SART1: variants seen among roughly 807,000 people sequenced by gnomAD.
SART1 encodes the protein U4/U6.U5 tri-snRNP-associated protein 1.
Under a neutral mutation model 105.0 loss-of-function variants are expected in SART1, and 28 were observed. That is an observed-to-expected ratio of 0.27 (90% CI 0.20 to 0.37). The LOEUF is 0.37. Among genes scored for constraint, SART1 ranks in the 10% least tolerant of loss-of-function variants. SART1 has a pLI of 1.00. For synonymous variants in SART1, 472 were observed against 462.9 expected (o/e 1.02, Z -0.25); for missense variants, 894 against 1,106.5 (o/e 0.81, Z 2.72).
In SART1 at chr11:65,961,874, C is replaced by T; in HGVS notation, c.94C>T (p.His32Tyr). 6.4e-7 allele frequency: 1 copy of T among 1,569,558 alleles called. No individual in the cohort carries two copies. Among genetic ancestry groups the T allele is most frequent in the Non-Finnish European group, 8.6e-7 (1 of 1,158,112 alleles). ...TGGATEQPPR[H>Y]REHKKHKHRS... is the part of the protein sequence containing the mutation. ...GGGTGCCACCGAGCAGCCGCCGCGG[C>T]ACCGGGAACACAAAAAACACAAGCA... Residue 32 changes from histidine (H) to tyrosine (Y), a missense_variant, in exon 1 of 20, where the codon CAC becomes TAC. By Grantham distance (83) the His-to-Tyr change is moderately conservative. Around this residue, in one of 2 missense-constraint regions of SART1, gnomAD observed 712 missense variants for 778.2 expected, o/e 0.91. Coordinates refer to ENST00000312397, the MANE Select transcript of SART1 (RefSeq NM_005146.5).
chr11:65,969,269 C>G (rs531620339), intron 12 of SART1, among the ~76,000 whole-genome samples: 1 of 152,160 alleles, frequency 6.6e-6, no homozygotes, highest in Non-Finnish European at 1.5e-5. Context: ...GTGGGCGTGG[C>G]TGGGTTCCAG....
At chr11:65,963,872 A>G (rs1230989849) in intron 1 of SART1, 15 of 607,690 alleles carry the variant, frequency 2.5e-5, no homozygotes, top group Non-Finnish European at 3.5e-5. Flanking sequence ...AGGAAGGTGC[A>G]CAGAAGAGGC....
At chr11:65,969,709 C>T (rs1855334204) in intron 12 of SART1, among the ~76,000 whole-genome samples, 1 of 152,178 alleles carries the variant, frequency 6.6e-6, no homozygotes, top group African/African-American at 2.4e-5. Flanking sequence ...GCCACCAGGC[C>T]TGGTGTAGCC....
intron 1 of SART1, among the ~76,000 whole-genome samples, chr11:65,963,194 A>G (rs1855180768): frequency 6.6e-6 from 1 of 152,170 alleles, no homozygotes; most frequent in South Asian, 2.1e-4. Context: ...ATGTTACCAA[A>G]AAAAGGAGAC....
intron 9 of SART1, among the ~76,000 whole-genome samples, 187 bp downstream of exon 9, chr11:65,966,743 G>A (rs1855267727): frequency 6.6e-6 from 1 of 152,230 alleles, no homozygotes; most frequent in South Asian, 2.1e-4. Context: ...TGCTGAGCCA[G>A]ATGGGCCCCA....
At chr11:65,970,798 G>A (rs76705937) in intron 12 of SART1, among the ~76,000 whole-genome samples, 19 of 108,172 alleles carry the variant, frequency 1.8e-4, no homozygotes, top group Admixed American at 2.9e-4. Context: ...TGCTGAGGGA[G>A]GGGGATGGTG....
In SART1 at chr11:65,979,590, A is replaced by C; in HGVS notation, c.*560A>C. On this transcript the variant is annotated 3_prime_UTR_variant, in exon 20 of 20. Transcript: ENST00000312397. ...GCCTCCTGGGAGACTTGTCCCGTGT[A>C]CAGTGACCCAGAAAGATGAGATTCC... 1 of 155,250 alleles carries C rather than the reference A, an allele frequency of 6.4e-6. No individual in the cohort carries two copies. The highest frequency in any genetic ancestry group is 1.4e-5 in the Non-Finnish European group (1 of 70,134). 9.6% of individuals were successfully genotyped at this position (155,250 alleles called of 1,614,324 possible). A position where few individuals can be genotyped will look rare whatever the true frequency, so the allele number is the denominator to read the frequency against.
At chr11:65,977,965 A>AAT (rs1222422074) in intron 17 of SART1, 66 bp downstream of exon 17, 1 of 1,537,922 alleles carries the variant, frequency 6.5e-7, no homozygotes, top group Non-Finnish European at 8.8e-7. Context: ...AGGGCCATGC[A>AAT]ATGCCCCGGG....
In SART1 at chr11:65,966,168, C is replaced by G. The variant is rs747555166; in HGVS notation, c.931C>G (p.Pro311Ala). 2 of 1,614,036 alleles carry G rather than the reference C, an allele frequency of 1.2e-6. No individual in the cohort carries two copies. The highest frequency in any genetic ancestry group is 2.2e-5 in the East Asian group (1 of 44,884). ...AAATGTGGAGCTGCGGAAGAAGAAG[C>G]CTGACTACCTGCCCTATGCCGAGGA... ...EKNVELRKKK[P>A]DYLPYAEDES... is the part of the protein sequence containing the mutation. Residue 311 changes from proline to alanine, a missense_variant, in exon 8 of 20, where the codon CCT becomes GCT. Around this residue, in one of 2 missense-constraint regions of SART1, gnomAD observed 712 missense variants for 778.2 expected, o/e 0.91. Coordinates refer to ENST00000312397, the MANE Select transcript of SART1 (RefSeq NM_005146.5).
chr11:65,976,025 A>G lies in SART1; in HGVS notation c.1573-370A>G, dbSNP rs1239341192. 6.6e-6 allele frequency among the ~76,000 whole-genome samples: 1 copy of G among 152,086 alleles called. No individual in the cohort carries two copies. The highest frequency in any genetic ancestry group is 1.5e-5 in the Non-Finnish European group (1 of 68,006). On this transcript the variant is annotated intron_variant, in intron 12 of 19. Coordinates refer to ENST00000312397, the MANE Select transcript of SART1 (RefSeq NM_005146.5). The surrounding 1 kb of genome is among the most constrained non-coding windows in gnomAD (Gnocchi z 5.1). ...CCTGCGGGTTCTAGAAGTGCTGTCT[A>G]GAGTCCTGAAACCGGAGTTTGTCGG...
Position 65,976,256 on chromosome 11 carries a change from C to T in SART1, c.1573-139C>T, listed in dbSNP as rs557291420. The T allele has an allele frequency of 5.3e-5, 41 of 776,222 alleles. No individual in the cohort carries two copies. Among genetic ancestry groups the T allele is most frequent in the Admixed American group, 3.3e-4 (10 of 30,608 alleles). The allele number at this position is 776,222 out of a possible 1,614,324, so 48.1% of individuals were successfully genotyped here. ...GAAAGAGGTGCAGAGTGGAGTTAGG[C>T]GGCAGATAGCAGCTGGGCCTGCATG... On this transcript the variant is annotated intron_variant, in intron 12 of 19. Coordinates refer to ENST00000312397, the MANE Select transcript of SART1 (RefSeq NM_005146.5). The surrounding 1 kb of genome is among the most constrained non-coding windows in gnomAD (Gnocchi z 5.1).
At chr11:65,974,625 G>T (rs1332110087) in intron 12 of SART1, among the ~76,000 whole-genome samples, 1 of 152,122 alleles carries the variant, frequency 6.6e-6, no homozygotes, top group African/African-American at 2.4e-5. Context: ...GTTGCAGTGA[G>T]CCTATATCGC....
intron 1 of SART1, among the ~76,000 whole-genome samples, chr11:65,963,155 G>A (rs1855179694): frequency 6.6e-6 from 1 of 152,108 alleles, no homozygotes; most frequent in Non-Finnish European, 1.5e-5. Context: ...CCTGAGAAAT[G>A]CCCTTATGTT....
At chr11:65,969,567 A>G (rs184545172) in intron 12 of SART1, among the ~76,000 whole-genome samples, 17 of 152,146 alleles carry the variant, frequency 1.1e-4, no homozygotes, top group African/African-American at 3.9e-4. Context: ...CTCCTGCCTC[A>G]GGCTCTCAAG....
intron 1 of SART1, among the ~76,000 whole-genome samples, chr11:65,962,540 GA>G (rs1264677606): frequency 6.6e-6 from 1 of 151,802 alleles, no homozygotes; most frequent in Admixed American, 6.6e-5. Context: ...GCATGGTAGA[GA>G]AATGAGGGAG....
At position 65,976,004 on chromosome 11, in the gene SART1, C is replaced by T. The variant is rs1441843418; in HGVS notation, c.1573-391C>T. 1.3e-5 allele frequency among the ~76,000 whole-genome samples: 2 copies of T among 151,990 alleles called. No individual in the cohort carries two copies. The highest frequency in any genetic ancestry group is 2.4e-5 in the African/African-American group (1 of 41,342). On this transcript the variant is annotated intron_variant, in intron 12 of 19. Transcript: ENST00000312397. This position sits in a 1 kb window ranked among gnomAD's most constrained non-coding sequence, Gnocchi z 5.1. The stretch of plus-strand genomic sequence containing the variant: ...AAGCGTGGGCCACCTCACCACCCTG[C>T]GGGTTCTAGAAGTGCTGTCTAGAGT...
rs1855285035 is a variant in SART1 at position 65,967,548 on chromosome 11, A to T, written c.1391A>T (p.Asp464Val). 1 of 1,612,800 alleles carries T rather than the reference A, an allele frequency of 6.2e-7. No individual in the cohort carries two copies. Among genetic ancestry groups the T allele is most frequent in the Middle Eastern group, 1.7e-4 (1 of 5,784 alleles). ...CCTGTGCCTCAGCCCCTGCCGTCGG[A>T]CGACACCCGAGTGGAGAACATGGAC... ...KEPVPQPLPS[D>V]DTRVENMDIS... The change falls in exon 11 of 20, where the codon GAC becomes GTC. Residue 464 changes from aspartate to valine, a missense_variant. Physicochemically the swap from Asp to Val is radical, Grantham distance 152. Transcript: ENST00000312397.
chr11:65,979,123 G>A lies in SART1; in HGVS notation c.*93G>A. 6.5e-7 allele frequency: 1 copy of A among 1,541,820 alleles called. No individual in the cohort carries two copies. On this transcript the variant is annotated 3_prime_UTR_variant, in exon 20 of 20. Coordinates refer to ENST00000312397, the MANE Select transcript of SART1 (RefSeq NM_005146.5). ...TCCCTGGTCGTGGTACAGATTCCAG[G>A]GTTGGATCTTTGGTTGGGTGTGGCA...
intron 12 of SART1, among the ~76,000 whole-genome samples, chr11:65,968,889 G>A (rs572059280): frequency 6.6e-6 from 1 of 152,300 alleles, no homozygotes; most frequent in South Asian, 2.1e-4. Flanking sequence ...TGTGTTTGTT[G>A]ATTCATTCCA....
Sources: allele counts gnomAD v4.1 joint callset (sites outside exome capture counted in the v4.1 genomes callset), GRCh38; gene constraint gnomAD v4.1.1; regional missense constraint gnomAD v4.1.1; non-coding constraint Gnocchi (gnomAD v3.1); transcripts MANE v1.5; gene names NCBI Gene and HGNC (gene_info 2026-07-23, HGNC 2026-07-21).